The following PABIR3 variants were observed in gnomAD, a reference collection of about 807,000 sequenced individuals.
PABIR3 encodes PABIR family member 3.
Under a neutral mutation model 23.1 loss-of-function variants are expected in PABIR3, and 20 were observed. The ratio of observed to expected loss-of-function variants is 0.86; its 90% CI spans 0.61 to 1.26. PABIR3 has a LOEUF of 1.26. PABIR3 is among the 50% of genes most tolerant of loss of function. The pLI, the probability that PABIR3 is intolerant of heterozygous loss-of-function variation, is 0.00. For missense variants in PABIR3, 189 were observed against 195.4 expected (o/e 0.97, Z 0.20); for synonymous variants, 69 against 68.5 (o/e 1.01, Z -0.04).
At chrX:134,808,300 A>C (rs112729288) in intron 2 of PABIR3, 11 of 280,708 alleles carry the variant, frequency 3.9e-5, no homozygotes, top group East Asian at 1.5e-4. Flanking sequence ...AGCAATTCTC[A>C]TGCCTCAGCC....
chrX:134,864,007 AT>A, the PABIR3 span, among the ~76,000 whole-genome samples: 1 of 111,235 alleles, frequency 9.0e-6, no homozygotes, highest in Non-Finnish European at 1.9e-5. Flanking sequence ...TAAATCTTCA[AT>A]TTTGAAGTTT....
intron 2 of PABIR3, chrX:134,808,183 T>C: frequency 3.4e-6 from 1 of 296,044 alleles, no homozygotes. Context: ...TGGACTTTTT[T>C]ACATTTTTTT....
chrX:134,833,851 TC>T (rs1387097736), intron 4 of PABIR3, among the ~76,000 whole-genome samples: 1 of 111,834 alleles, frequency 8.9e-6, no homozygotes, highest in Non-Finnish European at 1.9e-5. Flanking sequence ...ATGATCTCAT[TC>T]CTTTTTATGA....
intron 3 of PABIR3, among the ~76,000 whole-genome samples, chrX:134,825,467 A>C (rs2081463652): frequency 8.9e-6 from 1 of 112,279 alleles, no homozygotes; most frequent in Admixed American, 9.5e-5. Context: ...ACTATTGCCT[A>C]TAGCAACAAA....
At chrX:134,806,767 G>A (rs1410762948), upstream of PABIR3, among the ~76,000 whole-genome samples, 2 of 106,630 alleles carry the variant, frequency 1.9e-5, no homozygotes, top group East Asian at 5.7e-4. Context: ...TAAGCACTTA[G>A]GTAGCAGTAT....
intron 1 of PABIR3, chrX:134,797,288 G>C: frequency 8.8e-6 from 1 of 113,705 alleles, no homozygotes; most frequent in East Asian, 2.8e-4. Flanking sequence ...CGCCTCCAAA[G>C]GGGAGGAGCG....
intron 9 of PABIR3, among the ~76,000 whole-genome samples, chrX:134,850,731 A>G (rs1030355537): frequency 8.9e-6 from 1 of 112,209 alleles, no homozygotes; most frequent in Non-Finnish European, 1.9e-5. Flanking sequence ...TTATAGATCA[A>G]TTTTAACATA....
At chrX:134,822,371 T>A in intron 3 of PABIR3, 1 of 751,709 alleles carries the variant, frequency 1.3e-6, no homozygotes, top group Non-Finnish European at 1.6e-6. Flanking sequence ...GCAATTAATT[T>A]CTCACATTAT....
intron 4 of PABIR3, among the ~76,000 whole-genome samples, chrX:134,834,604 T>C (rs1232896752): frequency 2.7e-5 from 3 of 112,404 alleles, no homozygotes; most frequent in Non-Finnish European, 3.7e-5. Flanking sequence ...TCCTGAATGG[T>C]ATTGCCTAGG....
At chrX:134,798,612 T>C (rs1038370083) in intron 1 of PABIR3, among the ~76,000 whole-genome samples, 2 of 112,265 alleles carry the variant, frequency 1.8e-5, no homozygotes, top group African/African-American at 6.5e-5. Context: ...ATCTTCCAAC[T>C]GCTTCCTGCT....
At chrX:134,830,890 C>T (rs1037975572) in intron 4 of PABIR3, among the ~76,000 whole-genome samples, 2 of 110,128 alleles carry the variant, frequency 1.8e-5, no homozygotes, top group African/African-American at 6.6e-5. Context: ...AGTTTATTTC[C>T]ATAGTAACAT....
Position 134,843,918 on chromosome X carries a change from CT to C in PABIR3, c.247-1265del, listed in dbSNP as rs1196514400. Among the ~76,000 whole-genome samples, 314 of 66,017 alleles carry C rather than the reference CT, an allele frequency of 4.8e-3. 1 individual carries two copies. Among genetic ancestry groups the C allele is most frequent in the South Asian group, 1.0e-2 (15 of 1,507 alleles). The allele number at this position is 66,017 out of a possible 115,157, so 57.3% of individuals were successfully genotyped here. A position where few individuals can be genotyped will look rare whatever the true frequency, so the allele number is the denominator to read the frequency against. ...TCTGTTCCATTGCTATATGCATGTT[CT>C]TTTTTTTTTTTTTTTTTTTTTGAGA... On this transcript the variant is annotated intron_variant, in intron 4 of 10. Coordinates refer to ENST00000645433, the MANE Select transcript of PABIR3 (RefSeq NM_001388447.1).
At chrX:134,842,925 G>A (rs2082286146) in intron 4 of PABIR3, among the ~76,000 whole-genome samples, 1 of 108,120 alleles carries the variant, frequency 9.2e-6, no homozygotes, top group Non-Finnish European at 1.9e-5. Context: ...TAATTTGGCC[G>A]GGCGCCATGG....
chrX:134,810,529 G>T, intron 2 of PABIR3: 1 of 754,130 alleles, frequency 1.3e-6, no homozygotes, highest in Non-Finnish European at 1.6e-6. Flanking sequence ...TAGGGGACTT[G>T]CCCAGATGAT....
intron 3 of PABIR3, among the ~76,000 whole-genome samples, chrX:134,826,034 T>A (rs943198309): frequency 3.6e-5 from 4 of 110,269 alleles, no homozygotes; most frequent in African/African-American, 6.6e-5. Flanking sequence ...GCTGATGATA[T>A]GTATCTGAGT....
downstream of PABIR3, among the ~76,000 whole-genome samples, chrX:134,857,255 C>T (rs1164588733): frequency 5.4e-5 from 6 of 111,226 alleles, no homozygotes; most frequent in African/African-American, 2.0e-4. Context: ...AGAATCCATT[C>T]CTTGCCTCTC....
intron 2 of PABIR3, among the ~76,000 whole-genome samples, chrX:134,808,668 C>T (rs190464118): frequency 2.4e-3 from 274 of 112,430 alleles, no homozygotes; most frequent in Middle Eastern, 4.6e-3. Flanking sequence ...GCGTAAGCCA[C>T]CGTGCCCGGC....
intron 4 of PABIR3, chrX:134,835,391 A>G (rs1455487652): frequency 9.0e-6 from 1 of 110,899 alleles, no homozygotes; most frequent in Non-Finnish European, 1.9e-5. Context: ...GGCCTCCTGT[A>G]AAATAGTATG....
At chrX:134,810,741 C>CT in intron 2 of PABIR3, 1 of 752,769 alleles carries the variant, frequency 1.3e-6, no homozygotes, top group South Asian at 6.8e-5. Flanking sequence ...AGTACTTCCT[C>CT]TTTCTAAACT....
Sources: gnomAD v4.1 joint callset for allele counts (sites outside exome capture counted in the v4.1 genomes callset) on GRCh38, gnomAD v4.1.1 for gene constraint, MANE v1.5 for transcripts, NCBI Gene and HGNC (gene_info 2026-07-23, HGNC 2026-07-21) for gene names.